The following MZF1 variants were observed in gnomAD, a reference collection of about 807,000 sequenced individuals.
MZF1 encodes the protein myeloid zinc finger 1, also known as zinc finger and SCAN domain-containing protein 6.
In MZF1, 24 loss-of-function variants were observed where a neutral mutation model predicts 28.6. The observed-to-expected ratio is 0.84, with a 90% CI of 0.61 to 1.18. MZF1 has a LOEUF of 1.18. Ranked by LOEUF, MZF1 falls within the 50% of genes most tolerant of loss-of-function variation. MZF1 has a pLI of 0.00. For missense variants in MZF1, 1,166 were observed against 1,026.4 expected (o/e 1.14, Z -1.86); for synonymous variants, 516 against 432.5 (o/e 1.19, Z -2.40).
intron 3 of MZF1, 145 bp downstream of exon 3, chr19:58,570,199 T>C (rs1044208139): frequency 5.8e-6 from 5 of 856,434 alleles, no homozygotes; most frequent in East Asian, 2.6e-5. Flanking sequence ...GAGACCTGAC[T>C]GGGTAGAATG....
chr19:58,570,357 A>G lies in MZF1; in HGVS notation c.567T>C (p.Val189=). The G allele has an allele frequency of 6.2e-7, 1 of 1,612,362 alleles. No homozygotes were observed. Among genetic ancestry groups the G allele is most frequent in the Middle Eastern group, 1.7e-4 (1 of 6,046 alleles). Residue 189 remains valine (V), a synonymous_variant, in exon 3 of 6, where the codon GTT becomes GTC. Transcript: ENST00000215057. ...GCATGCCCTCACCTGAGTCCTCTGT[A>G]ACCTCTGACTCCTCTTTCACCTGCA... ...LGLQVKEESE[V]TEDSDFLESG...
In MZF1 at chr19:58,562,160, T is replaced by C. The variant is rs551628942; in HGVS notation, c.2117A>G (p.Glu706Gly). The change falls in exon 6 of 6, where the codon GAG becomes GGG. Residue 706 changes from glutamate to glycine, a missense_variant. By Grantham distance (98) the Glu-to-Gly change is moderately conservative. Transcript: ENST00000215057. The part of the protein sequence containing the change: ...LTQHLRTHRR[E>G]KPFACQDCGR... ...ACAGTCCTGGCAGGCGAAGGGCTTC[T>C]CTCGTCGGTGGGTGCGCAGATGCTG... The C allele has an allele frequency of 2.5e-6, 4 of 1,595,212 alleles. No homozygotes were observed. The African/African-American group carries it at 4.0e-5, about 16-fold the overall frequency.
intron 5 of MZF1, among the ~76,000 whole-genome samples, chr19:58,566,058 G>A (rs1468768917): frequency 6.7e-6 from 1 of 148,558 alleles, no homozygotes. Flanking sequence ...GGAGAATGTC[G>A]TGAACCCGGG....
chr19:58,572,153 C>G (rs1337807611), intron 1 of MZF1, among the ~76,000 whole-genome samples: 1 of 152,094 alleles, frequency 6.6e-6, no homozygotes, highest in Non-Finnish European at 1.5e-5. Flanking sequence ...CAACGCCAGC[C>G]CTTACTTCAC....
rs753308724 is a variant in MZF1, at chr19:58,570,377, C to T, written c.547G>A (p.Val183Met). Residue 183 changes from valine to methionine, a missense_variant, in exon 3 of 6, where the codon GTG becomes ATG. By Grantham distance (21) the Val-to-Met change is conservative. Transcript: ENST00000215057. Reference sequence around the variant, plus strand: ...TCTGTAACCTCTGACTCCTCTTTCACCTGCAGGCCCAGTGGTGATTCCTGC... The same window carrying T: ...TCTGTAACCTCTGACTCCTCTTTCATCTGCAGGCCCAGTGGTGATTCCTGC... ...TMQESPLGLQ[V>M]KEESEVTEDS... 5 of 1,613,326 alleles carry T rather than the reference C, an allele frequency of 3.1e-6. No individual in the cohort carries two copies. The East Asian group carries it at 1.1e-4, about 36-fold the overall frequency.
chr19:58,571,092 T>A lies in MZF1; in HGVS notation c.298A>T (p.Ile100Phe). Reference sequence around the variant, plus strand: ...CGCTGCCCCTGCACACGGGCCTGGATCTCAGGGGGCAGTGCGCCCAGGAAC... The same window carrying A: ...CGCTGCCCCTGCACACGGGCCTGGAACTCAGGGGGCAGTGCGCCCAGGAAC... Reference protein sequence around the residue: ...EQFLGALPPEIQARVQGQRPG... With the variant: ...EQFLGALPPEFQARVQGQRPG... The change falls in exon 2 of 6, where the codon ATC becomes TTC. Residue 100 changes from isoleucine (I) to phenylalanine (F), a missense_variant. Physicochemically the swap from Ile to Phe is conservative, Grantham distance 21. Transcript: ENST00000215057. The A allele has an allele frequency of 6.2e-7, 1 of 1,613,794 alleles. No individual in the cohort carries two copies. Among genetic ancestry groups the A allele is most frequent in the Non-Finnish European group, 8.5e-7 (1 of 1,179,956 alleles).
At position 58,571,170 on chromosome 19, in the gene MZF1, G is replaced by C; in HGVS notation, c.220C>G (p.Arg74Gly). 3.1e-6 allele frequency: 5 copies of C among 1,613,740 alleles called. No homozygotes were observed. Among genetic ancestry groups the C allele is most frequent in the Non-Finnish European group, 4.2e-6 (5 of 1,179,848 alleles). ...TGCTCCTTGGAGCGTACCTCTGGAC[G>C]CAGCCACTGGCGACACAGCTCTCGG... is the stretch of plus-strand genomic sequence containing the variant. ...QLRELCRQWLRPEVRSKEQML... is the reference protein window; with the variant it reads ...QLRELCRQWLGPEVRSKEQML... The change falls in exon 2 of 6, where the codon CGT becomes GGT. Residue 74 changes from arginine (R) to glycine (G), a missense_variant. Physicochemically the swap from Arg to Gly is moderately radical, Grantham distance 125. Transcript: ENST00000215057.
At chr19:58,566,413 C>G (rs968044704) in intron 5 of MZF1, among the ~76,000 whole-genome samples, 3 of 152,028 alleles carry the variant, frequency 2.0e-5, no homozygotes, top group African/African-American at 7.3e-5. Flanking sequence ...CGCCATTGCA[C>G]TCCAGCCTGG....
Position 58,563,040 on chromosome 19 carries a change from C to T in MZF1, c.1237G>A (p.Val413Met). 3.1e-6 allele frequency: 5 copies of T among 1,602,148 alleles called. No individual in the cohort carries two copies. The highest frequency in any genetic ancestry group is 4.2e-6 in the Non-Finnish European group (5 of 1,179,590). The change falls in exon 6 of 6, where the codon GTG becomes ATG. Residue 413 changes from valine to methionine, a missense_variant. Physicochemically the swap from Val to Met is conservative, Grantham distance 21. Coordinates refer to ENST00000215057, the MANE Select transcript of MZF1 (RefSeq NM_198055.2). Reference protein sequence around the residue: ...QLTHTEERPFVCGDCGQGFVR... With the variant: ...QLTHTEERPFMCGDCGQGFVR... The stretch of plus-strand genomic sequence containing the variant: ...AAGCCCTGGCCACAGTCGCCGCACA[C>T]GAACGGCCGCTCCTCGGTGTGCGTA...
chr19:58,566,453 A>G (rs888634214), intron 5 of MZF1, among the ~76,000 whole-genome samples: 8 of 149,458 alleles, frequency 5.4e-5, no homozygotes, highest in African/African-American at 7.4e-5. Flanking sequence ...ATCTCAAAAG[A>G]AAAAAAAAAG....
Position 58,562,106 on chromosome 19 carries a change from A to G in MZF1, c.2171T>C (p.Leu724Pro). ...GCTGTGGACGCGCTGGTGCTGAATGAGCTTGGTGCTCTGGTGGAAGCGGCG... is the reference window on the plus strand; with the variant it reads ...GCTGTGGACGCGCTGGTGCTGAATGGGCTTGGTGCTCTGGTGGAAGCGGCG... The part of the protein sequence containing the change: ...CGRRFHQSTK[L>P]IQHQRVHSAE The change falls in exon 6 of 6, where the codon CTC becomes CCC. Residue 724 changes from leucine to proline, a missense_variant. Transcript: ENST00000215057. The G allele has an allele frequency of 3.8e-6, 6 of 1,583,846 alleles. No individual in the cohort carries two copies. The highest frequency in any genetic ancestry group is 5.1e-6 in the Non-Finnish European group (6 of 1,166,676).
intron 1 of MZF1, chr19:58,572,674 G>T: frequency 3.2e-5 from 41 of 1,262,842 alleles, no homozygotes; most frequent in Non-Finnish European, 4.3e-5. Context: ...GCCTCATCCT[G>T]GGGGCCAAGC....
chr19:58,563,516 AG>A lies in MZF1; in HGVS notation c.773-13del, dbSNP rs1568678830. The A allele has an allele frequency of 6.6e-7, 1 of 1,514,656 alleles. No individual in the cohort carries two copies. Among genetic ancestry groups the A allele is most frequent in the Non-Finnish European group, 8.9e-7 (1 of 1,125,326 alleles). 93.8% of individuals were successfully genotyped at this position (1,514,656 alleles called of 1,614,324 possible). On this transcript the variant is annotated splice_polypyrimidine_tract_variant and intron_variant, in intron 5 of 5. Coordinates refer to ENST00000215057, the MANE Select transcript of MZF1 (RefSeq NM_198055.2). ...CTGCAGCGCGAACCCTGCATACACA[AG>A]GGGACCATTCATTCATGACAGAATG...
In MZF1 at chr19:58,562,361, C is replaced by T. The variant is rs1020145886; in HGVS notation, c.1916G>A (p.Arg639Gln). Reference protein sequence around the residue: ...ECGLGFTQVSRLTEHQRIHTG... With the variant: ...ECGLGFTQVSQLTEHQRIHTG... ...GTGGATGCGCTGGTGCTCGGTGAGCCGCGAGACCTGCGTGAAGCCCAGGCC... is the reference window on the plus strand; with the variant it reads ...GTGGATGCGCTGGTGCTCGGTGAGCTGCGAGACCTGCGTGAAGCCCAGGCC... The change falls in exon 6 of 6, where the codon CGG becomes CAG. Residue 639 changes from arginine to glutamine, a missense_variant. Coordinates refer to ENST00000215057, the MANE Select transcript of MZF1 (RefSeq NM_198055.2). 5.0e-6 allele frequency: 8 copies of T among 1,599,322 alleles called. No individual in the cohort carries two copies. The highest frequency in any genetic ancestry group is 6.8e-6 in the Non-Finnish European group (8 of 1,175,530).
chr19:58,564,900 GTGTTT>G (rs2054011633), intron 5 of MZF1, among the ~76,000 whole-genome samples: 1 of 69,382 alleles, frequency 1.4e-5, no homozygotes, highest in Non-Finnish European at 2.4e-5. Context: ...ATCCATGTGT[GTGTTT>G]TTTTTTTTTT....
rs1253286923 is a variant in MZF1 at position 58,564,900 on chromosome 19, G to GT, written c.773-1397dup. ...GGGTGGAGAATAAGCATCCATGTGTGTGTTTTTTTTTTTTTTTTTTTTTTT... is the reference window on the plus strand; with the variant it reads ...GGGTGGAGAATAAGCATCCATGTGTGTTGTTTTTTTTTTTTTTTTTTTTTTT... On this transcript the variant is annotated intron_variant, in intron 5 of 5. Coordinates refer to ENST00000215057, the MANE Select transcript of MZF1 (RefSeq NM_198055.2). Among the ~76,000 whole-genome samples the GT allele has an allele frequency of 1.3e-3, 93 of 69,376 alleles. 6 individuals carry two copies. Among genetic ancestry groups the GT allele is most frequent in the African/African-American group, 5.6e-3 (78 of 13,856 alleles). The allele number at this position is 69,376 out of a possible 152,430, so 45.5% of individuals were successfully genotyped here.
chr19:58,569,542 G>T lies in MZF1; in HGVS notation c.625C>A (p.Pro209Thr). The change falls in exon 4 of 6, where the codon CCC becomes ACC. Residue 209 changes from proline to threonine, a missense_variant. Pro to Thr is a conservative substitution (Grantham distance 38). Coordinates refer to ENST00000215057, the MANE Select transcript of MZF1 (RefSeq NM_198055.2). ...GPLAATQESVPTLLPEEAQRC... is the reference protein window; with the variant it reads ...GPLAATQESVTTLLPEEAQRC... ...TGGGCCTCCTCAGGCAGGAGGGTGG[G>T]TACAGACTCCTGGGTGGCAGCTAGA... 1.9e-6 allele frequency: 3 copies of T among 1,610,380 alleles called. No homozygotes were observed. Among genetic ancestry groups the T allele is most frequent in the Non-Finnish European group, 2.5e-6 (3 of 1,177,554 alleles).
At chr19:58,569,460 C>T in intron 4 of MZF1, 56 bp downstream of exon 4, 3 of 1,613,136 alleles carry the variant, frequency 1.9e-6, no homozygotes, top group East Asian at 2.2e-5. Flanking sequence ...ACCTACCTGA[C>T]CCCACCCAGC....
Position 58,566,905 on chromosome 19 carries a change from C to CTTT in MZF1, c.772+2369_772+2371dup, listed in dbSNP as rs11403633. On this transcript the variant is annotated intron_variant, in intron 5 of 5. Transcript: ENST00000215057. ...AAGGCACAGTTTTATTCCCAAGACT[C>CTTT]TTTTTTTTTTTTTTGAGACTGGGTC... 3.2e-4 allele frequency among the ~76,000 whole-genome samples: 46 copies of CTTT among 145,614 alleles called. 2 individuals are homozygous for CTTT. Among genetic ancestry groups the CTTT allele is most frequent in the East Asian group, 2.0e-3 (10 of 5,036 alleles).
Sources: gnomAD v4.1 joint callset for allele counts (sites outside exome capture counted in the v4.1 genomes callset) on GRCh38, gnomAD v4.1.1 for gene constraint, MANE v1.5 for transcripts, NCBI Gene and HGNC (gene_info 2026-07-23, HGNC 2026-07-21) for gene names.